Variants in ALX3 observed in about 807,000 individuals in gnomAD.
ALX3 encodes the protein ALX homeobox 3.
In ALX3, 17 loss-of-function variants were observed where a neutral mutation model predicts 26.3. The observed-to-expected ratio is 0.65, with a 90% confidence interval of 0.44 to 0.97. ALX3 has a LOEUF of 0.97. Ranked by LOEUF, ALX3 falls within the 50% of genes least tolerant of loss-of-function variation. The pLI is 0.00. For synonymous variants in ALX3, 208 were observed against 201.4 expected (o/e 1.03, Z -0.28); for missense variants, 461 against 466.5 (o/e 0.99, Z 0.11).
At chr1:110,061,798 C>A in intron 2 of ALX3, 1 of 601,416 alleles carries the variant, frequency 1.7e-6, no homozygotes, top group Non-Finnish European at 2.9e-6. Flanking sequence ...CTGTCACTCC[C>A]CAGGTTGAAT....
rs538430669 is a variant in ALX3 at position 110,061,493 on chromosome 1, T to G, written c.665A>C (p.Asn222Thr). ...GATGTCATAGGCAGCCGTGAAGGGG[T>G]TCCGCCCCTCCTGGATCTTCCCATA... ...ERYGKIQEGR[N>T]PFTAAYDISV... Residue 222 changes from asparagine to threonine, a missense_variant, in exon 3 of 4, where the codon AAC (asparagine) becomes ACC (threonine). Transcript: ENST00000647563. 6.2e-7 allele frequency: 1 copy of G among 1,614,084 alleles called. No individual in the cohort carries two copies. The highest frequency in any genetic ancestry group is 8.5e-7 in the Non-Finnish European group (1 of 1,180,006).
chr1:110,068,795 C>G (rs1653848520), intron 1 of ALX3, among the ~76,000 whole-genome samples: 1 of 152,130 alleles, frequency 6.6e-6, no homozygotes, highest in Non-Finnish European at 1.5e-5. Flanking sequence ...TTCCCTTCCC[C>G]TTTTCTTGGT....
At chr1:110,064,277 T>A (rs989934480) in intron 2 of ALX3, among the ~76,000 whole-genome samples, 3 of 152,204 alleles carry the variant, frequency 2.0e-5, no homozygotes, top group African/African-American at 4.8e-5. Flanking sequence ...AAACTGAGAC[T>A]GAGAGATCTA....
intron 1 of ALX3, 123 bp downstream of exon 1, chr1:110,070,213 G>T (rs1470201142): frequency 2.7e-6 from 3 of 1,122,746 alleles, no homozygotes; most frequent in African/African-American, 3.2e-5. Flanking sequence ...GGCGAAAGGC[G>T]AGAGGGGCAA....
In ALX3 at chr1:110,070,336, C is replaced by T; in HGVS notation, c.277G>A (p.Ala93Thr). ...GGHFYEGPAE[A>T]EEKTSKAASF... ...CGCTACGCCCCGCGCCGCGCGTTAC[C>T]TTCCGCGGGGCCCTCGTAGAAGTGG... Residue 93 changes from alanine to threonine, a missense_variant and splice_region_variant, in exon 1 of 4, where the codon GCT (alanine) becomes ACT (threonine). Transcript: ENST00000647563. The T allele has an allele frequency of 7.7e-7, 1 of 1,292,368 alleles. No individual in the cohort carries two copies. The highest frequency in any genetic ancestry group is 9.8e-7 in the Non-Finnish European group (1 of 1,019,278). The allele number at this position is 1,292,368 out of a possible 1,614,324, so 80.1% of individuals were successfully genotyped here.
At chr1:110,065,864 T>G (rs1174108599) in intron 1 of ALX3, among the ~76,000 whole-genome samples, 1 of 152,052 alleles carries the variant, frequency 6.6e-6, no homozygotes, top group Non-Finnish European at 1.5e-5. Context: ...CAGAGCATGG[T>G]GAAAAATAGG....
intron 2 of ALX3, 174 bp from the exon 3 acceptor site, chr1:110,061,737 C>T: frequency 6.5e-6 from 7 of 1,069,706 alleles, no homozygotes; most frequent in Non-Finnish European, 9.2e-6. Context: ...TGGGAGGAAG[C>T]CTGGGAGAGG....
chr1:110,061,724 G>T, intron 2 of ALX3, 161 bp from the exon 3 acceptor site: 3 of 1,195,294 alleles, frequency 2.5e-6, no homozygotes, highest in East Asian at 2.5e-5. Context: ...GGCCAGGGAA[G>T]CCTGGGAGGA....
intron 1 of ALX3, among the ~76,000 whole-genome samples, chr1:110,066,269 C>T (rs1422439446): frequency 6.6e-6 from 1 of 152,200 alleles, no homozygotes; most frequent in African/African-American, 2.4e-5. Flanking sequence ...GAGATAAGCT[C>T]CTGGTGTGTG....
chr1:110,062,064 G>GAAGCA (rs1653661778), intron 2 of ALX3: 1 of 157,960 alleles, frequency 6.3e-6, no homozygotes, highest in Non-Finnish European at 1.4e-5. Flanking sequence ...TTCTTAACAA[G>GAAGCA]GCCCCTGCCT....
At position 110,060,837 on chromosome 1, in the gene ALX3, G is replaced by A; in HGVS notation, c.928C>T (p.His310Tyr). The change falls in exon 4 of 4, where the codon CAC becomes TAC. Residue 310 changes from histidine (H) to tyrosine (Y), a missense_variant. Transcript: ENST00000647563. ...IHGFPPTLGG[H>Y]SFEPSSDGDY... Reference sequence around the variant, plus strand: ...CCATCTGAGGAAGGCTCAAAGCTGTGGCCCCCCAGGGTGGGGGGAAAGCCA... The same window carrying A: ...CCATCTGAGGAAGGCTCAAAGCTGTAGCCCCCCAGGGTGGGGGGAAAGCCA... 1 of 1,614,006 alleles carries A rather than the reference G, an allele frequency of 6.2e-7. No homozygotes were observed. The highest frequency in any genetic ancestry group is 8.5e-7 in the Non-Finnish European group (1 of 1,179,962).
rs1653585047 is a variant in ALX3 at position 110,059,908 on chromosome 1, G to GCCTTTTTTTTCTCTCTCTCT, written c.*805_*824dup. ...ACCACCTTTATTAGAATGCTGGGCAGCCTTTTTTTTCTCTCTCTCTCCTTT... is the reference window on the plus strand; with the variant it reads ...ACCACCTTTATTAGAATGCTGGGCAGCCTTTTTTTTCTCTCTCTCTCCTTTTTTTTCTCTCTCTCTCCTTT... On this transcript the variant is annotated 3_prime_UTR_variant, in exon 4 of 4. Coordinates refer to ENST00000647563, the MANE Select transcript of ALX3 (RefSeq NM_006492.3). 1.3e-5 allele frequency: 2 copies of GCCTTTTTTTTCTCTCTCTCT among 150,244 alleles called. No individual in the cohort carries two copies. The highest frequency in any genetic ancestry group is 3.0e-5 in the Non-Finnish European group (2 of 67,784). The allele number at this position is 150,244 out of a possible 1,614,324, so 9.3% of individuals were successfully genotyped here. A position where few individuals can be genotyped will look rare whatever the true frequency, so the allele number is the denominator to read the frequency against.
At position 110,061,140 on chromosome 1, in the gene ALX3, T is replaced by C. The variant is rs902082444; in HGVS notation, c.724-99A>G. On this transcript the variant is annotated intron_variant, in intron 3 of 3. Transcript: ENST00000647563. ...TTTGTCCTTGGGGCCCCAGAAACTT[T>C]CCAGGAAACCTCCACTTGGCTCAGA... 5 of 1,376,804 alleles carry C rather than the reference T, an allele frequency of 3.6e-6. No homozygotes were observed. In the South Asian group the frequency reaches 5.0e-5, roughly 14 times the overall value. The allele number at this position is 1,376,804 out of a possible 1,614,324, so 85.3% of individuals were successfully genotyped here.
At chr1:110,061,192 G>T in intron 3 of ALX3, 151 bp from the exon 4 acceptor site, 1 of 1,031,010 alleles carries the variant, frequency 9.7e-7, no homozygotes, top group Non-Finnish European at 1.4e-6. Flanking sequence ...CCCAACACTG[G>T]CAGTGGCATC....
Position 110,061,003 on chromosome 1 carries a change from G to A in ALX3, c.762C>T (p.Ser254=). 5 of 1,611,526 alleles carry A rather than the reference G, an allele frequency of 3.1e-6. No individual in the cohort carries two copies. Among genetic ancestry groups the A allele is most frequent in the Non-Finnish European group, 3.4e-6 (4 of 1,179,316 alleles). ...NSLWASPGSG[S]PGGPCLVSPE... is the part of the protein sequence containing the mutation. ...GAGACACAAGGCAGGGGCCTCCAGG[G>A]CTCCCAGATCCTGGACTGGCCCACA... is the stretch of plus-strand genomic sequence containing the variant. Residue 254 remains serine (S), a synonymous_variant, in exon 4 of 4, where the codon AGC becomes AGT. Coordinates refer to ENST00000647563, the MANE Select transcript of ALX3 (RefSeq NM_006492.3).
At position 110,064,854 on chromosome 1, in the gene ALX3, G is replaced by A; in HGVS notation, c.327C>T (p.Asp109=). The change falls in exon 2 of 4, where the codon GAC becomes GAT. Residue 109 remains aspartate (D), a synonymous_variant. Transcript: ENST00000647563. The part of the protein sequence containing the change: ...KAASFPQLPL[D]CRGGPRDGPS... Reference sequence around the variant, plus strand: ...GCCCGTCTCTGGGGCCCCCTCGGCAGTCCAAGGGCAGCTGGGGGAAGCTGG... The same window carrying A: ...GCCCGTCTCTGGGGCCCCCTCGGCAATCCAAGGGCAGCTGGGGGAAGCTGG... 1 of 1,612,116 alleles carries A rather than the reference G, an allele frequency of 6.2e-7. No homozygotes were observed. Among genetic ancestry groups the A allele is most frequent in the Non-Finnish European group, 8.5e-7 (1 of 1,179,014 alleles).
intron 2 of ALX3, 33 bp from the exon 3 acceptor site, chr1:110,061,596 A>G: frequency 6.2e-7 from 1 of 1,613,536 alleles, no homozygotes; most frequent in Non-Finnish European, 8.5e-7. Flanking sequence ...TGAGGGGGTG[A>G]TAGGGCAGCC....
chr1:110,064,233 AG>A (rs1236967702), intron 2 of ALX3, among the ~76,000 whole-genome samples: 5 of 152,212 alleles, frequency 3.3e-5, no homozygotes, highest in Admixed American at 2.0e-4. Context: ...GTCCCTACGC[AG>A]CCAGTCCCAT....
intron 2 of ALX3, chr1:110,062,646 G>GTGTGTGC: frequency 7.9e-6 from 1 of 126,236 alleles, no homozygotes; most frequent in African/African-American, 2.8e-5. Context: ...TGTGTGTGTG[G>GTGTGTGC]AGTAATCCGT....
Sources: gnomAD v4.1 joint callset for allele counts (sites outside exome capture counted in the v4.1 genomes callset) on GRCh38, gnomAD v4.1.1 for gene constraint, MANE v1.5 for transcripts, NCBI Gene and HGNC (gene_info 2026-07-23, HGNC 2026-07-21) for gene names.